Variants in CAPN7 observed in about 807,000 individuals in gnomAD.
CAPN7 encodes calpain 7.
Under a neutral mutation model 115.2 loss-of-function variants are expected in CAPN7, and 72 were observed. The ratio of observed to expected loss-of-function variants is 0.63; its 90% CI spans 0.52 to 0.76. The LOEUF is 0.76. CAPN7 is among the 30% of genes least tolerant of loss of function. The probability of loss-of-function intolerance (pLI) is 0.00; values close to 1 mark genes in which losing one functional copy is unlikely to be tolerated. For synonymous variants in CAPN7, 344 were observed against 322.3 expected (o/e 1.07, Z -0.72); for missense variants, 905 against 971.5 (o/e 0.93, Z 0.91).
chr3:15,240,321 T>C, intron 12 of CAPN7, 152 bp from the exon 13 acceptor site: 1 of 708,406 alleles, frequency 1.4e-6, no homozygotes, highest in East Asian at 2.8e-5. Flanking sequence ...TTGATCGATG[T>C]ATGACCTGGT....
chr3:15,227,554 T>G (rs1434540431), intron 6 of CAPN7, among the ~76,000 whole-genome samples: 1 of 152,216 alleles, frequency 6.6e-6, no homozygotes, highest in African/African-American at 2.4e-5. Context: ...ATTGCTGAAT[T>G]TCTTGAATAC....
chr3:15,206,694 C>T lies in CAPN7; in HGVS notation c.102+97C>T, dbSNP rs1380734803. On this transcript the variant is annotated intron_variant, in intron 1 of 20. Transcript: ENST00000253693. ...GGGATCCGGGTGCGGAGGCTAGCGG[C>T]CCCGGCTTTGCTTTTCCCTCGTCCG... The T allele has an allele frequency of 4.5e-6, 4 of 898,704 alleles. No individual in the cohort carries two copies. In the East Asian group the frequency reaches 9.6e-5, roughly 21 times the overall value. The allele number at this position is 898,704 out of a possible 1,614,324, so 55.7% of individuals were successfully genotyped here.
At chr3:15,225,606 A>AT (rs1290175528) in intron 6 of CAPN7, among the ~76,000 whole-genome samples, 6 of 152,244 alleles carry the variant, frequency 3.9e-5, no homozygotes, top group Non-Finnish European at 8.8e-5. Flanking sequence ...TAATTTAGGC[A>AT]TAGCACTTGT....
At chr3:15,247,533 A>G (rs932180196) in intron 19 of CAPN7, 76 bp downstream of exon 19, 4 of 1,243,598 alleles carry the variant, frequency 3.2e-6, no homozygotes, top group Admixed American at 4.9e-5. Flanking sequence ...AAGTTTAGAA[A>G]CAGACCTAAG....
chr3:15,208,820 A>G (rs2044775626), intron 1 of CAPN7, among the ~76,000 whole-genome samples: 1 of 152,136 alleles, frequency 6.6e-6, no homozygotes, highest in South Asian at 2.1e-4. Flanking sequence ...GGATTTGCAA[A>G]TATACCCCTC....
rs934829454 is a variant in CAPN7, at chr3:15,252,105, C to G, written c.*845C>G. On this transcript the variant is annotated 3_prime_UTR_variant, in exon 21 of 21. Coordinates refer to ENST00000253693, the MANE Select transcript of CAPN7 (RefSeq NM_014296.3). ...TATGGTGATTGGGATATGTAGCATT[C>G]AAAAAAAGTGAATTGCCAAGATACT... is the stretch of plus-strand genomic sequence containing the variant. The G allele has an allele frequency of 6.6e-6, 1 of 152,284 alleles. No individual in the cohort carries two copies. Among genetic ancestry groups the G allele is most frequent in the Non-Finnish European group, 1.5e-5 (1 of 67,964 alleles). 9.4% of individuals were successfully genotyped at this position (152,284 alleles called of 1,614,324 possible). A position where few individuals can be genotyped will look rare whatever the true frequency, so the allele number is the denominator to read the frequency against.
chr3:15,238,526 A>G (rs561702425), intron 12 of CAPN7, among the ~76,000 whole-genome samples: 178 of 152,256 alleles, frequency 1.2e-3, no homozygotes, highest in Non-Finnish European at 2.1e-3. Flanking sequence ...GCTCAGTATT[A>G]CATCATTGGT....
At chr3:15,247,662 CTGTTTCACAT>C (rs1695748268) in intron 19 of CAPN7, among the ~76,000 whole-genome samples, 1 of 152,050 alleles carries the variant, frequency 6.6e-6, no homozygotes, top group Admixed American at 6.6e-5. Context: ...AATTAGAACC[CTGTTTCACAT>C]CAAATTCCAG....
rs1344370866 is a variant in CAPN7 at position 15,235,037 on chromosome 3, A to G, written c.1299A>G (p.Gly433=). 2 of 1,610,500 alleles carry G rather than the reference A, an allele frequency of 1.2e-6. No individual in the cohort carries two copies. The highest frequency in any genetic ancestry group is 1.7e-6 in the Non-Finnish European group (2 of 1,178,900). The stretch of plus-strand genomic sequence containing the variant: ...GGGTTCATTCCAGATTTCACAAAGG[A>G]GATGTCCTCATCACTGCGTCAACTG... ...FRMLYQRFHK[G]DVLITASTGM... The change falls in exon 12 of 21, where the codon GGA becomes GGG. Residue 433 remains glycine (G), a synonymous_variant. Transcript: ENST00000253693.
At position 15,207,252 on chromosome 3, in the gene CAPN7, T is replaced by C. The variant is rs1478806926; in HGVS notation, c.102+655T>C. Among the ~76,000 whole-genome samples the C allele has an allele frequency of 3.3e-5, 5 of 152,202 alleles. No homozygotes were observed. The East Asian group carries it at 9.7e-4, about 29-fold the overall frequency. On this transcript the variant is annotated intron_variant, in intron 1 of 20. Coordinates refer to ENST00000253693, the MANE Select transcript of CAPN7 (RefSeq NM_014296.3). Reference sequence around the variant, plus strand: ...AGTTACATGCAGTGGTAAGTATTTGTGCATCTAAACATAGAAAAGGTACAG... The same window carrying C: ...AGTTACATGCAGTGGTAAGTATTTGCGCATCTAAACATAGAAAAGGTACAG...
Position 15,251,471 on chromosome 3 carries a change from G to C in CAPN7, c.*211G>C, listed in dbSNP as rs1164336028. On this transcript the variant is annotated 3_prime_UTR_variant, in exon 21 of 21. Transcript: ENST00000253693. ...ATCACCTAGAGGTACCGTTTACATG[G>C]TTTTGTGTATATAGAGTTGGCTTGC... 1 of 420,626 alleles carries C rather than the reference G, an allele frequency of 2.4e-6. No individual in the cohort carries two copies. Among genetic ancestry groups the C allele is most frequent in the Non-Finnish European group, 4.2e-6 (1 of 238,544 alleles). 26.1% of individuals were successfully genotyped at this position (420,626 alleles called of 1,614,324 possible). A position where few individuals can be genotyped will look rare whatever the true frequency, so the allele number is the denominator to read the frequency against.
chr3:15,222,643 T>G (rs983017088), intron 5 of CAPN7, among the ~76,000 whole-genome samples: 1 of 152,210 alleles, frequency 6.6e-6, no homozygotes, highest in East Asian at 1.9e-4. Context: ...GCTAAAAGAC[T>G]AATAACAGTC....
At chr3:15,235,830 G>A (rs115529568) in intron 12 of CAPN7, among the ~76,000 whole-genome samples, 5 of 152,238 alleles carry the variant, frequency 3.3e-5, no homozygotes, top group African/African-American at 1.2e-4. Flanking sequence ...GGGGACCCCT[G>A]CTCTAAAGCA....
rs781136823 is a variant in CAPN7, at chr3:15,217,502, G to C, written c.289G>C (p.Ala97Pro). ...LERAHFLVTQ[A>P]FDEDEKENVE... is the part of the protein sequence containing the mutation. ...GCGTGCTCATTTCCTTGTTACACAA[G>C]CTTTTGATGAAGATGAAAAAGAGAA... Residue 97 changes from alanine to proline, a missense_variant, in exon 3 of 21, where the codon GCT becomes CCT. Ala to Pro is a conservative substitution (Grantham distance 27). Around this residue, in one of 3 missense-constraint regions of CAPN7, gnomAD observed 271 missense variants for 239.6 expected, o/e 1.13. Coordinates refer to ENST00000253693, the MANE Select transcript of CAPN7 (RefSeq NM_014296.3). The C allele has an allele frequency of 4.3e-6, 7 of 1,613,740 alleles. No homozygotes were observed. Among genetic ancestry groups the C allele is most frequent in the Non-Finnish European group, 5.1e-6 (6 of 1,179,818 alleles).
At chr3:15,238,849 A>ATTTTTTTTTTTTTTTT (rs59838740) in intron 12 of CAPN7, among the ~76,000 whole-genome samples, 1 of 114,012 alleles carries the variant, frequency 8.8e-6, no homozygotes, top group African/African-American at 3.9e-5. Flanking sequence ...GCAAAATCAA[A>ATTTTTTTTTTTTTTTT]TTTTTTTTTT....
At chr3:15,212,635 T>C (rs1291262559) in intron 2 of CAPN7, among the ~76,000 whole-genome samples, 1 of 152,192 alleles carries the variant, frequency 6.6e-6, no homozygotes, top group African/African-American at 2.4e-5. Context: ...TCTTCTACTT[T>C]CAGACCTTTG....
At chr3:15,225,814 A>G (rs894230145) in intron 6 of CAPN7, among the ~76,000 whole-genome samples, 1 of 152,168 alleles carries the variant, frequency 6.6e-6, no homozygotes. Flanking sequence ...TGGGAGAAAA[A>G]CAAGAATAAA....
chr3:15,240,962 T>C (rs1695307679), intron 14 of CAPN7, 109 bp downstream of exon 14: 1 of 672,962 alleles, frequency 1.5e-6, no homozygotes. Flanking sequence ...CCCAGCACTT[T>C]GGGAGGCCGA....
intron 1 of CAPN7, among the ~76,000 whole-genome samples, chr3:15,207,380 T>C (rs911896648): frequency 2.6e-5 from 4 of 152,138 alleles, no homozygotes; most frequent in South Asian, 2.1e-4. Flanking sequence ...AGTTGGTGAG[T>C]AGTGGTGAGT....
Sources: gnomAD v4.1 joint callset for allele counts (sites outside exome capture counted in the v4.1 genomes callset) on GRCh38, gnomAD v4.1.1 for gene constraint, gnomAD v4.1.1 regional missense constraint, MANE v1.5 for transcripts, NCBI Gene and HGNC (gene_info 2026-07-23, HGNC 2026-07-21) for gene names.